Variants in PKN3 observed in about 807,000 individuals in gnomAD.
The protein encoded by PKN3 is protein kinase N3, also known as serine/threonine-protein kinase N3.
Under a neutral mutation model 113.1 loss-of-function variants are expected in PKN3, and 91 were observed. That is an observed-to-expected ratio of 0.80 (90% CI 0.68 to 0.96). The LOEUF (loss-of-function observed/expected upper bound fraction) is 0.96. Among genes scored for constraint, PKN3 ranks in the 40% least tolerant of loss-of-function variants. PKN3 has a pLI of 0.00. For missense variants in PKN3, 1,052 were observed against 1,202.2 expected, an observed-to-expected ratio of 0.88 and a Z score of 1.85; for synonymous variants, 467 against 499.0, an observed-to-expected ratio of 0.94 and a Z score of 0.85.
In PKN3 at chr9:128,707,420, C is replaced by A. The variant is rs745444993; in HGVS notation, c.835+15C>A. On this transcript the variant is annotated intron_variant, in intron 6 of 21. Coordinates refer to ENST00000291906, the MANE Select transcript of PKN3 (RefSeq NM_013355.5). ...CGCCCTAACAGGTAGTCAGAAGTTCCTCCCCCTTCAAAGCTCTCCTTCTTT... is the reference window on the plus strand; with the variant it reads ...CGCCCTAACAGGTAGTCAGAAGTTCATCCCCCTTCAAAGCTCTCCTTCTTT... The A allele has an allele frequency of 6.3e-7, 1 of 1,585,878 alleles. No homozygotes were observed. Among genetic ancestry groups the A allele is most frequent in the Non-Finnish European group, 8.6e-7 (1 of 1,162,806 alleles).
rs1861975562 is a variant in PKN3, at chr9:128,705,317, G to A, written c.39G>A (p.Gln13=). The A allele has an allele frequency of 6.4e-7, 1 of 1,557,674 alleles. No individual in the cohort carries two copies. Among genetic ancestry groups the A allele is most frequent in the African/African-American group, 1.4e-5 (1 of 73,468 alleles). Residue 13 remains glutamine, a synonymous_variant, in exon 2 of 22, where the codon CAG becomes CAA. Transcript: ENST00000291906. ...EGAPRQPGPS[Q]WPPEDEKEVI... is the part of the protein sequence containing the mutation. ...CGGCTCTGCAGCCTGGGCCGAGCCA[G>A]TGGCCCCCAGAGGATGAGAAGGAGG...
chr9:128,708,395 A>G (rs1862082865), intron 6 of PKN3, among the ~76,000 whole-genome samples: 1 of 151,962 alleles, frequency 6.6e-6, no homozygotes, highest in Non-Finnish European at 1.5e-5. Flanking sequence ...AATAATAATA[A>G]TAATTTCCTT....
At chr9:128,704,880 G>A (rs1861960214) in intron 1 of PKN3, among the ~76,000 whole-genome samples, 2 of 151,306 alleles carry the variant, frequency 1.3e-5, no homozygotes, top group African/African-American at 2.4e-5. Flanking sequence ...ATCGTGCCAT[G>A]GCACTCCAGC....
In PKN3 at chr9:128,705,684, G is replaced by T. The variant is rs555602939; in HGVS notation, c.266-50G>T. 3.9e-6 allele frequency: 6 copies of T among 1,551,152 alleles called. No individual in the cohort carries two copies. The East Asian group carries it at 9.7e-5, about 25-fold the overall frequency. ...GGGAAGGAGGAAAGGCCACAGTGGG[G>T]GTCTCGGCTCTGGGTGAGGGACTCC... On this transcript the variant is annotated intron_variant, in intron 2 of 21. Coordinates refer to ENST00000291906, the MANE Select transcript of PKN3 (RefSeq NM_013355.5).
In PKN3 at chr9:128,720,853, G is replaced by C. The variant is rs1029783953; in HGVS notation, c.*247G>C. The C allele has an allele frequency of 5.1e-6, 3 of 593,148 alleles. No individual in the cohort carries two copies. The highest frequency in any genetic ancestry group is 9.0e-6 in the Non-Finnish European group (3 of 334,220). The allele number at this position is 593,148 out of a possible 1,614,324, so 36.7% of individuals were successfully genotyped here. On this transcript the variant is annotated 3_prime_UTR_variant, in exon 22 of 22. Coordinates refer to ENST00000291906, the MANE Select transcript of PKN3 (RefSeq NM_013355.5). The surrounding 1 kb of genome is among the most constrained non-coding windows in gnomAD (Gnocchi z 5.5). ...GACCTGGCCCAGAAAGGGTGCCGCAGCAAGGAGTGATATGGTTTGTCTTTT... is the reference window on the plus strand; with the variant it reads ...GACCTGGCCCAGAAAGGGTGCCGCACCAAGGAGTGATATGGTTTGTCTTTT...
chr9:128,708,698 C>T (rs1027519848), intron 6 of PKN3, among the ~76,000 whole-genome samples: 2 of 151,832 alleles, frequency 1.3e-5, no homozygotes, highest in Non-Finnish European at 2.9e-5. Context: ...AAAAAATTAG[C>T]CGGGCGTGGT....
intron 9 of PKN3, 40 bp downstream of exon 9, chr9:128,713,682 G>A (rs778579860): frequency 1.1e-5 from 17 of 1,605,254 alleles, no homozygotes; most frequent in Middle Eastern, 1.7e-4. Flanking sequence ...TGGGACCCTG[G>A]GGCGTCAGGG....
At position 128,714,623 on chromosome 9, in the gene PKN3, C is replaced by T. The variant is rs778329029; in HGVS notation, c.1543C>T (p.Arg515Cys). 6.7e-5 allele frequency: 96 copies of T among 1,431,828 alleles called. No individual in the cohort carries two copies. Among genetic ancestry groups the T allele is most frequent in the Admixed American group, 2.7e-4 (16 of 59,594 alleles). The allele number at this position is 1,431,828 out of a possible 1,614,324, so 88.7% of individuals were successfully genotyped here. A position where few individuals can be genotyped will look rare whatever the true frequency, so the allele number is the denominator to read the frequency against. The change falls in exon 12 of 22, where the codon CGC (arginine) becomes TGC (cysteine). Residue 515 changes from arginine (R) to cysteine (C), a missense_variant. This residue lies in a region of PKN3 where 719 missense variants were observed against 759.4 expected (regional missense o/e 0.95). Coordinates refer to ENST00000291906, the MANE Select transcript of PKN3 (RefSeq NM_013355.5). Reference protein sequence around the residue: ...EEMTPPPKPPRLYLPQEPTSE... With the variant: ...EEMTPPPKPPCLYLPQEPTSE... ...GATGACACCCCCACCCAAGCCCCCA[C>T]GCCTCTACCTCCCCCAGGAGCCAAC... is the stretch of plus-strand genomic sequence containing the variant.
Position 128,720,361 on chromosome 9 carries a change from C to T in PKN3, c.2458-33C>T, listed in dbSNP as rs570767051. ...GGAGTGACTCCTGGAGCTGCTGTTC[C>T]TGCCGTCTCAGGCGCCTCTCCTTTG... On this transcript the variant is annotated intron_variant, in intron 21 of 21. Transcript: ENST00000291906. This position sits in a 1 kb window ranked among gnomAD's most constrained non-coding sequence, Gnocchi z 5.5. 3.7e-6 allele frequency: 6 copies of T among 1,612,464 alleles called. No individual in the cohort carries two copies. In the South Asian group the frequency reaches 4.4e-5, roughly 12 times the overall value.
At position 128,718,581 on chromosome 9, in the gene PKN3, C is replaced by T; in HGVS notation, c.2081C>T (p.Ala694Val). 1.2e-6 allele frequency: 2 copies of T among 1,614,092 alleles called. No individual in the cohort carries two copies. The highest frequency in any genetic ancestry group is 1.7e-6 in the Non-Finnish European group (2 of 1,180,014). Residue 694 changes from alanine (A) to valine (V), a missense_variant, in exon 18 of 22, where the codon GCC becomes GTC. Physicochemically the swap from Ala to Val is moderately conservative, Grantham distance 64. This residue lies in a region of PKN3 where 333 missense variants were observed against 442.8 expected (regional missense o/e 0.75). Coordinates refer to ENST00000291906, the MANE Select transcript of PKN3 (RefSeq NM_013355.5). ...DLKLDNLLLD[A>V]QGFLKIADFG... ...AAGTTGGATAACCTTCTGCTGGATG[C>T]CCAGGGATTCCTGAAGATCGCAGAC...
chr9:128,713,008 G>T, intron 6 of PKN3, 44 bp from the exon 7 acceptor site: 1 of 1,552,232 alleles, frequency 6.4e-7, no homozygotes, highest in Non-Finnish European at 8.7e-7. Flanking sequence ...GGTAGCAGTG[G>T]GAAGATGGCA....
At position 128,720,556 on chromosome 9, in the gene PKN3, GCCGC is replaced by G; in HGVS notation, c.2622_2625del (p.Ala875SerfsTer?). 2 of 1,613,470 alleles carry G rather than the reference GCCGC, an allele frequency of 1.2e-6. No individual in the cohort carries two copies. Among genetic ancestry groups the G allele is most frequent in the Non-Finnish European group, 1.7e-6 (2 of 1,180,010 alleles). On this transcript the variant is annotated frameshift_variant, in exon 22 of 22. Coordinates refer to ENST00000291906, the MANE Select transcript of PKN3 (RefSeq NM_013355.5). LOFTEE classifies it high-confidence loss of function. The surrounding 1 kb of genome is among the most constrained non-coding windows in gnomAD (Gnocchi z 5.5). ...CAGCCTCCTCACTGCCCGCCAACAGGCCGCCTTCCGGGACTTCGACTTTGTGTCA... is the reference window on the plus strand; with the variant it reads ...CAGCCTCCTCACTGCCCGCCAACAGGCTTCCGGGACTTCGACTTTGTGTCA...
intron 18 of PKN3, among the ~76,000 whole-genome samples, chr9:128,719,309 C>T (rs921658043): frequency 1.3e-5 from 2 of 151,858 alleles, no homozygotes; most frequent in African/African-American, 4.8e-5. Flanking sequence ...CCTGCCTCAG[C>T]CTCCCGAGTA....
Position 128,706,712 on chromosome 9 carries a change from G to A in PKN3, c.412-1G>A. ...GATGGGCCTGTGCTATGGCTCCATA[G>A]GAGAGGAAGCTCCTGGCAGCTGCCC... is the stretch of plus-strand genomic sequence containing the variant. On this transcript the variant is annotated splice_acceptor_variant, in intron 3 of 21. Transcript: ENST00000291906. LOFTEE classifies it high-confidence loss of function. 1.3e-6 allele frequency: 2 copies of A among 1,565,240 alleles called. No individual in the cohort carries two copies. The highest frequency in any genetic ancestry group is 1.7e-6 in the Non-Finnish European group (2 of 1,154,872).
rs373360025 is a variant in PKN3, at chr9:128,705,352, G to A, written c.74G>A (p.Arg25Gln). Reference sequence around the variant, plus strand: ...GAGGATGAGAAGGAGGTGATCCGCCGGGCCATCCAGAAAGAGCTGAAGATC... The same window carrying A: ...GAGGATGAGAAGGAGGTGATCCGCCAGGCCATCCAGAAAGAGCTGAAGATC... ...PPEDEKEVIR[R>Q]AIQKELKIKE... Residue 25 changes from arginine to glutamine, a missense_variant, in exon 2 of 22, where the codon CGG becomes CAG. By Grantham distance (43) the Arg-to-Gln change is conservative. Transcript: ENST00000291906. 4.4e-5 allele frequency: 70 copies of A among 1,584,818 alleles called. No homozygotes were observed. The highest frequency in any genetic ancestry group is 4.1e-5 in the Non-Finnish European group (48 of 1,166,730).
Position 128,720,077 on chromosome 9 carries a change from G to A in PKN3, c.2376+60G>A, listed in dbSNP as rs1862485399. On this transcript the variant is annotated intron_variant, in intron 20 of 21. Coordinates refer to ENST00000291906, the MANE Select transcript of PKN3 (RefSeq NM_013355.5). The surrounding 1 kb of genome is among the most constrained non-coding windows in gnomAD (Gnocchi z 5.5). ...GCCGCTCAAGGCCCATGTGCCCTCT[G>A]CCGTGGGACAGCAGACCCCCTGCCA... 6.5e-7 allele frequency: 1 copy of A among 1,546,852 alleles called. No homozygotes were observed. The highest frequency in any genetic ancestry group is 8.9e-7 in the Non-Finnish European group (1 of 1,119,822).
chr9:128,718,218 T>TG (rs1239815468), intron 16 of PKN3, 107 bp from the exon 17 acceptor site: 130 of 830,448 alleles, frequency 1.6e-4, no homozygotes, highest in Non-Finnish European at 2.3e-4. Context: ...TCTCTGACTC[T>TG]GGCCGGGACA....
chr9:128,716,022 G>T (rs2132322778), intron 15 of PKN3, among the ~76,000 whole-genome samples: 1 of 150,912 alleles, frequency 6.6e-6, no homozygotes, highest in Non-Finnish European at 1.5e-5. Flanking sequence ...AAAAGGAGGG[G>T]GAGGCTGGGC....
chr9:128,717,117 C>CTTTTTTTTTTTTTTTTTTTTT (rs34182369), intron 16 of PKN3, among the ~76,000 whole-genome samples, 194 bp downstream of exon 16: 841 of 24,374 alleles, frequency 0.035, 374 homozygotes, highest in Non-Finnish European at 0.048. Flanking sequence ...CATTAGGTTT[C>CTTTTTTTTTTTTTTTTTTTTT]TTTTTTTTTT....
Sources: allele counts gnomAD v4.1 joint callset (sites outside exome capture counted in the v4.1 genomes callset), GRCh38; gene constraint gnomAD v4.1.1; regional missense constraint gnomAD v4.1.1; non-coding constraint Gnocchi (gnomAD v3.1); transcripts MANE v1.5; gene names NCBI Gene and HGNC (gene_info 2026-07-23, HGNC 2026-07-21).